The following VPS13A variants were observed in gnomAD, a reference collection of about 807,000 sequenced individuals.
VPS13A encodes intermembrane lipid transfer protein VPS13A.
VPS13A carries 264 observed loss-of-function variants against 390.9 expected under a neutral mutation model. The ratio of observed to expected loss-of-function variants is 0.68; its 90% CI spans 0.61 to 0.75. The LOEUF (loss-of-function observed/expected upper bound fraction) is 0.75, where lower values mean the gene tolerates loss of function less well. Ranked by LOEUF, VPS13A falls within the 30% of genes least tolerant of loss-of-function variation. The pLI is 0.00. For synonymous variants in VPS13A, 1,231 were observed against 1,227.1 expected (o/e 1.00, Z -0.07); for missense variants, 3,409 against 3,733.9 (o/e 0.91, Z 2.27).
chr9:77,319,789 C>T (rs1829633694), intron 42 of VPS13A, 116 bp downstream of exon 42: 1 of 567,816 alleles, frequency 1.8e-6, no homozygotes. Flanking sequence ...ACAGAGATTT[C>T]CCGTATACCA....
chr9:77,204,644 G>A (rs1255055673), intron 3 of VPS13A, among the ~76,000 whole-genome samples: 4 of 151,980 alleles, frequency 2.6e-5, no homozygotes, highest in Non-Finnish European at 5.9e-5. Context: ...TCATTGCGGG[G>A]AGGTAAAGGT....
chr9:77,267,359 C>A (rs1587456825), intron 23 of VPS13A, among the ~76,000 whole-genome samples: 1 of 152,238 alleles, frequency 6.6e-6, no homozygotes, highest in East Asian at 1.9e-4. Context: ...GTGTGGACGT[C>A]CTTTTTGTTG....
intron 48 of VPS13A, 75 bp downstream of exon 48, chr9:77,339,986 T>C (rs1563938917): frequency 6.6e-7 from 1 of 1,524,240 alleles, no homozygotes; most frequent in Non-Finnish European, 8.9e-7. Context: ...TTCTGAGTAA[T>C]AAATATTATG....
chr9:77,329,743 C>T (rs745822658), intron 45 of VPS13A, among the ~76,000 whole-genome samples: 2 of 152,114 alleles, frequency 1.3e-5, no homozygotes, highest in Non-Finnish European at 2.9e-5. Flanking sequence ...AATGAAATAT[C>T]TGCAATTCAC....
rs1169254413 is a variant in VPS13A at position 77,411,660 on chromosome 9, CAAAAAAAA to C, written c.9474+4071_9474+4078del. ...CCTAGGCAACAGCAAAACTCCATCTCAAAAAAAAAAAAAAAAAAAAAAAAAGGAACTAG... is the reference window on the plus strand; with the variant it reads ...CCTAGGCAACAGCAAAACTCCATCTCAAAAAAAAAAAAAAAAAGGAACTAG... On this transcript the variant is annotated intron_variant, in intron 71 of 71. Transcript: ENST00000360280. Among the ~76,000 whole-genome samples the C allele has an allele frequency of 5.3e-4, 18 of 33,920 alleles. No homozygotes were observed. In the East Asian group the frequency reaches 7.2e-3, roughly 14 times the overall value. The allele number at this position is 33,920 out of a possible 152,430, so 22.3% of individuals were successfully genotyped here.
At chr9:77,326,010 G>A (rs1345377261) in intron 45 of VPS13A, among the ~76,000 whole-genome samples, 1 of 152,068 alleles carries the variant, frequency 6.6e-6, no homozygotes, top group African/African-American at 2.4e-5. Flanking sequence ...ATGTATTACA[G>A]ATATTTTCAC....
intron 21 of VPS13A, among the ~76,000 whole-genome samples, chr9:77,250,758 A>T (rs1159171788): frequency 6.6e-6 from 1 of 152,196 alleles, no homozygotes; most frequent in Non-Finnish European, 1.5e-5. Context: ...TATCTCATTC[A>T]CTGTGGTATA....
chr9:77,386,278 T>A (rs541511517), intron 68 of VPS13A, among the ~76,000 whole-genome samples: 1 of 152,326 alleles, frequency 6.6e-6, no homozygotes, highest in African/African-American at 2.4e-5. Context: ...CCTATTTTTG[T>A]ATTTTGTATA....
intron 1 of VPS13A, among the ~76,000 whole-genome samples, chr9:77,189,048 C>T (rs1824514419): frequency 6.6e-6 from 1 of 151,464 alleles, no homozygotes; most frequent in Non-Finnish European, 1.5e-5. Context: ...AATGTTTTCT[C>T]CCATTTTGTA....
At chr9:77,201,588 C>T (rs1825333522) in intron 3 of VPS13A, among the ~76,000 whole-genome samples, 181 bp downstream of exon 3, 1 of 152,056 alleles carries the variant, frequency 6.6e-6, no homozygotes, top group East Asian at 1.9e-4. Context: ...TACATATATC[C>T]CTTGCCTAGT....
chr9:77,368,858 GCATGGTGGCTAAC>G (rs549888125), intron 62 of VPS13A, among the ~76,000 whole-genome samples: 144 of 152,256 alleles, frequency 9.5e-4, no homozygotes, highest in Middle Eastern at 3.4e-3. Flanking sequence ...AATAAGCCTG[GCATGGTGGCTAAC>G]GCCTGTAATC....
At chr9:77,181,379 T>C (rs1057130454) in intron 1 of VPS13A, among the ~76,000 whole-genome samples, 6 of 151,846 alleles carry the variant, frequency 4.0e-5, no homozygotes, top group East Asian at 1.9e-4. Flanking sequence ...AGCTGGGTAC[T>C]GTGGCGCTCG....
chr9:77,322,636 A>G (rs952105888), intron 44 of VPS13A, among the ~76,000 whole-genome samples: 15 of 152,116 alleles, frequency 9.9e-5, no homozygotes, highest in South Asian at 6.2e-4. Context: ...GTAAATATAT[A>G]TAAAATTTTA....
chr9:77,407,697 T>TG, intron 71 of VPS13A, 90 bp downstream of exon 71: 1 of 1,036,022 alleles, frequency 9.7e-7, no homozygotes, highest in Non-Finnish European at 1.5e-6. Context: ...AAGTTTTGTT[T>TG]GGGGGTTTTT....
Position 77,418,850 on chromosome 9 carries a change from C to A in VPS13A, c.*2844C>A, listed in dbSNP as rs1488057162. The A allele has an allele frequency of 6.6e-6, 1 of 152,112 alleles. No homozygotes were observed. The highest frequency in any genetic ancestry group is 1.5e-5 in the Non-Finnish European group (1 of 68,018). 9.4% of individuals were successfully genotyped at this position (152,112 alleles called of 1,614,324 possible). A position where few individuals can be genotyped will look rare whatever the true frequency, so the allele number is the denominator to read the frequency against. ...CACCTAGCTCATCTCTTAGAAACAT[C>A]CCACATAGTAGCATCGTATTACTCT... On this transcript the variant is annotated 3_prime_UTR_variant, in exon 72 of 72. Coordinates refer to ENST00000360280, the MANE Select transcript of VPS13A (RefSeq NM_033305.3).
At chr9:77,385,974 TA>T (rs1207829114) in intron 68 of VPS13A, among the ~76,000 whole-genome samples, 1 of 152,180 alleles carries the variant, frequency 6.6e-6, no homozygotes, top group Non-Finnish European at 1.5e-5. Context: ...TCATTCAAAT[TA>T]AATAGAAATC....
intron 1 of VPS13A, among the ~76,000 whole-genome samples, chr9:77,190,797 T>A (rs1824632957): frequency 1.3e-5 from 2 of 152,218 alleles, no homozygotes; most frequent in African/African-American, 4.8e-5. Context: ...AGGTTCAATC[T>A]TGGGAGGTTG....
At chr9:77,342,375 T>C (rs995778090) in intron 50 of VPS13A, among the ~76,000 whole-genome samples, 4 of 150,760 alleles carry the variant, frequency 2.7e-5, no homozygotes, top group Non-Finnish European at 4.4e-5. Context: ...CCTGACACTT[T>C]ATGTTTTTCA....
intron 55 of VPS13A, 123 bp downstream of exon 55, chr9:77,356,990 C>A (rs912027620): frequency 4.6e-6 from 5 of 1,080,712 alleles, no homozygotes; most frequent in Non-Finnish European, 6.8e-6. Flanking sequence ...GTCATACATA[C>A]CTTGTATAAA....
Sources: gnomAD v4.1 joint callset for allele counts (sites outside exome capture counted in the v4.1 genomes callset) on GRCh38, gnomAD v4.1.1 for gene constraint, MANE v1.5 for transcripts, NCBI Gene and HGNC (gene_info 2026-07-23, HGNC 2026-07-21) for gene names.